Variants in CDH23 observed in about 807,000 individuals in gnomAD.
CDH23 encodes cadherin-23.
Under a neutral mutation model 317.1 loss-of-function variants are expected in CDH23, and 189 were observed. The observed-to-expected ratio is 0.60, with a 90% CI of 0.53 to 0.67. The LOEUF is 0.67. Ranked by LOEUF, CDH23 falls within the 30% of genes least tolerant of loss-of-function variation. The pLI is 0.00. For synonymous variants in CDH23, 1,839 were observed against 1,876.8 expected (o/e 0.98, Z 0.52); for missense variants, 4,401 against 4,592.4 (o/e 0.96, Z 1.20).
intron 3 of CDH23, among the ~76,000 whole-genome samples, chr10:71,491,681 A>G (rs556493056): frequency 6.6e-6 from 1 of 152,340 alleles, no homozygotes; most frequent in South Asian, 2.1e-4. Flanking sequence ...TGAGGGTTTC[A>G]GCAAAGTTGG....
intron 9 of CDH23, among the ~76,000 whole-genome samples, chr10:71,595,952 A>G (rs1256954833): frequency 1.3e-5 from 2 of 152,204 alleles, no homozygotes; most frequent in African/African-American, 2.4e-5. Flanking sequence ...TCTCCAGGGA[A>G]ACTGAAGCCC....
intron 3 of CDH23, among the ~76,000 whole-genome samples, chr10:71,487,430 T>A (rs1852412070): frequency 6.6e-6 from 1 of 152,162 alleles, no homozygotes; most frequent in African/African-American, 2.4e-5. Context: ...CATACATACT[T>A]GCTTACATGG....
intron 57 of CDH23, among the ~76,000 whole-genome samples, chr10:71,806,490 A>T (rs1564804346): frequency 6.6e-6 from 1 of 150,732 alleles, no homozygotes; most frequent in Non-Finnish European, 1.5e-5. Flanking sequence ...AAAAAAAGGC[A>T]GACCAAAATG....
chr10:71,550,579 A>ACAAG (rs34710216), intron 6 of CDH23, among the ~76,000 whole-genome samples: 1 of 121,208 alleles, frequency 8.3e-6, no homozygotes, highest in Non-Finnish European at 1.7e-5. Context: ...AAAAAAAAAG[A>ACAAG]AAAAAGAAAA....
At position 71,400,389 on chromosome 10, in the gene CDH23, T is replaced by C. The variant is rs554624537; in HGVS notation, c.-6+3071T>C. The stretch of plus-strand genomic sequence containing the variant: ...GCCTCTTTCCCAGAGAGAGGGCAGC[T>C]CTGCCAGGGGACAAGGTGATGAGGA... On this transcript the variant is annotated intron_variant, in intron 1 of 69. Transcript: ENST00000224721. Among the ~76,000 whole-genome samples, 8 of 151,438 alleles carry C rather than the reference T, an allele frequency of 5.3e-5. No homozygotes were observed. The South Asian group carries it at 1.7e-3, about 31-fold the overall frequency.
chr10:71,419,485 T>C (rs920228768), intron 1 of CDH23, among the ~76,000 whole-genome samples: 1 of 152,162 alleles, frequency 6.6e-6, no homozygotes, highest in African/African-American at 2.4e-5. Flanking sequence ...AAAAGGGCAC[T>C]GGAGGGACAC....
chr10:71,811,467 C>T (rs747564044), intron 63 of CDH23, 32 bp downstream of exon 63: 58 of 1,613,856 alleles, frequency 3.6e-5, no homozygotes, highest in Admixed American at 8.3e-5. Context: ...CAGCCCTAGC[C>T]GCCCTCCCCA....
chr10:71,803,185 C>A (rs1231363793), intron 54 of CDH23, 24 bp from the exon 55 acceptor site: 21 of 1,608,970 alleles, frequency 1.3e-5, no homozygotes, highest in Non-Finnish European at 1.7e-5. Context: ...TCAACCAGAG[C>A]TACTCTCCTG....
intron 41 of CDH23, among the ~76,000 whole-genome samples, chr10:71,783,326 G>T (rs981037623): frequency 1.3e-5 from 2 of 152,070 alleles, no homozygotes; most frequent in South Asian, 2.1e-4. Flanking sequence ...TCCACCCTCC[G>T]TGTTCTCACC....
At chr10:71,551,571 T>C (rs1025787405) in intron 6 of CDH23, among the ~76,000 whole-genome samples, 3 of 152,142 alleles carry the variant, frequency 2.0e-5, no homozygotes, top group Admixed American at 2.0e-4. Flanking sequence ...TGTTTCTTGG[T>C]CAAGCCTGAT....
intron 3 of CDH23, among the ~76,000 whole-genome samples, chr10:71,489,507 T>C (rs888493345): frequency 6.6e-6 from 1 of 152,188 alleles, no homozygotes; most frequent in African/African-American, 2.4e-5. Flanking sequence ...TTACATTCTA[T>C]GCCTGATAAT....
chr10:71,459,823 G>C (rs1275943550), intron 3 of CDH23, among the ~76,000 whole-genome samples: 2 of 152,220 alleles, frequency 1.3e-5, no homozygotes, highest in African/African-American at 4.8e-5. Context: ...CCTGGAGGCA[G>C]CCTGTTCTTC....
intron 9 of CDH23, among the ~76,000 whole-genome samples, chr10:71,610,808 G>C (rs1860833013): frequency 6.6e-6 from 1 of 151,538 alleles, no homozygotes; most frequent in East Asian, 1.9e-4. Context: ...TCCTAGAGGA[G>C]GTGGCTGCCC....
intron 9 of CDH23, among the ~76,000 whole-genome samples, chr10:71,612,641 G>C (rs1432826095): frequency 6.6e-6 from 1 of 152,158 alleles, no homozygotes; most frequent in Non-Finnish European, 1.5e-5. Flanking sequence ...GCTGTCTGTG[G>C]GGGGGCTGGG....
intron 32 of CDH23, among the ~76,000 whole-genome samples, chr10:71,733,345 A>T (rs1343457987): frequency 6.6e-6 from 1 of 152,224 alleles, no homozygotes; most frequent in Non-Finnish European, 1.5e-5. Context: ...AGGGATGTCT[A>T]TGGAGGCTTC....
At chr10:71,583,106 A>G (rs907328437) in intron 9 of CDH23, among the ~76,000 whole-genome samples, 17 of 152,182 alleles carry the variant, frequency 1.1e-4, no homozygotes, top group African/African-American at 4.1e-4. Context: ...CAGGCATTGC[A>G]GGAGGAGTAG....
chr10:71,637,312 T>C (rs4747175), intron 11 of CDH23, among the ~76,000 whole-genome samples: 117,166 of 151,926 alleles, frequency 0.77, 45,460 homozygotes, highest in South Asian at 0.88. Flanking sequence ...GCCTGCTCCT[T>C]TCATTTCTGG....
chr10:71,689,009 T>G, intron 19 of CDH23, among the ~76,000 whole-genome samples: 2 of 98,292 alleles, frequency 2.0e-5, no homozygotes, highest in African/African-American at 3.5e-5. Context: ...GAGCCAGGGG[T>G]GGTGGAGTCA....
chr10:71,779,557 G>T, intron 41 of CDH23, 110 bp downstream of exon 41: 3 of 845,236 alleles, frequency 3.5e-6, no homozygotes, highest in Non-Finnish European at 3.5e-6. Flanking sequence ...GTGTGATTTT[G>T]TCCTCTCTGG....
Sources: allele counts gnomAD v4.1 joint callset (sites outside exome capture counted in the v4.1 genomes callset), GRCh38; gene constraint gnomAD v4.1.1; transcripts MANE v1.5; gene names NCBI Gene and HGNC (gene_info 2026-07-23, HGNC 2026-07-21).